UROC1: variants seen among roughly 807,000 people sequenced by gnomAD.
UROC1 encodes urocanate hydratase.
In UROC1, 79 loss-of-function variants were observed where a neutral mutation model predicts 89.5. The observed-to-expected ratio is 0.88, with a 90% CI of 0.74 to 1.06. The LOEUF is 1.06. UROC1 is among the 50% of genes least tolerant of loss of function. The pLI, the probability that UROC1 is intolerant of heterozygous loss-of-function variation, is 0.00. For missense variants in UROC1, 885 were observed against 907.8 expected (o/e 0.97, Z 0.32); for synonymous variants, 361 against 354.8 (o/e 1.02, Z -0.20).
chr3:126,514,273 A>C (rs763193294), intron 1 of UROC1, among the ~76,000 whole-genome samples: 9 of 152,208 alleles, frequency 5.9e-5, no homozygotes, highest in Non-Finnish European at 1.0e-4. Context: ...GGGGACACAG[A>C]CGCTGGCCAT....
intron 15 of UROC1, 23 bp downstream of exon 15, chr3:126,496,015 C>G: frequency 4.3e-6 from 7 of 1,610,996 alleles, no homozygotes; most frequent in Non-Finnish European, 8.5e-7. Flanking sequence ...CCACCCCAGC[C>G]TCCCCCAGGC....
intron 13 of UROC1, 29 bp downstream of exon 13, chr3:126,499,308 A>G: frequency 6.2e-7 from 1 of 1,608,212 alleles, no homozygotes; most frequent in Non-Finnish European, 8.5e-7. Flanking sequence ...CACTGGGCAC[A>G]CTAGATGTGG....
In UROC1 at chr3:126,481,167, G is replaced by C. The variant is rs1935372330; in HGVS notation, c.*1178C>G. On this transcript the variant is annotated 3_prime_UTR_variant, in exon 20 of 20. Coordinates refer to ENST00000290868, the MANE Select transcript of UROC1 (RefSeq NM_144639.3). Reference sequence around the variant, plus strand: ...GGCGAAGGCAAAAAGCAACCCCGCTGGATCTGTCCATTTTATTAGAAAAAC... The same window carrying C: ...GGCGAAGGCAAAAAGCAACCCCGCTCGATCTGTCCATTTTATTAGAAAAAC... 6.6e-6 allele frequency: 1 copy of C among 152,104 alleles called. No homozygotes were observed. The highest frequency in any genetic ancestry group is 1.5e-5 in the Non-Finnish European group (1 of 68,038). 9.4% of individuals were successfully genotyped at this position (152,104 alleles called of 1,614,324 possible).
In UROC1 at chr3:126,481,534, G is replaced by A. The variant is rs1228813169; in HGVS notation, c.*811C>T. Reference sequence around the variant, plus strand: ...AGACTCTTTCTCATTTCTCTGTTTAGGATGAGTTATCTGTTGGTCTGTTGC... The same window carrying A: ...AGACTCTTTCTCATTTCTCTGTTTAAGATGAGTTATCTGTTGGTCTGTTGC... On this transcript the variant is annotated 3_prime_UTR_variant, in exon 20 of 20. Transcript: ENST00000290868. The A allele has an allele frequency of 1.3e-5, 2 of 152,174 alleles. No homozygotes were observed. The highest frequency in any genetic ancestry group is 2.9e-5 in the Non-Finnish European group (2 of 68,026). 9.4% of individuals were successfully genotyped at this position (152,174 alleles called of 1,614,324 possible). A position where few individuals can be genotyped will look rare whatever the true frequency, so the allele number is the denominator to read the frequency against.
chr3:126,513,516 C>A (rs1166835709), intron 1 of UROC1, among the ~76,000 whole-genome samples: 3 of 152,296 alleles, frequency 2.0e-5, no homozygotes, highest in Non-Finnish European at 4.4e-5. Context: ...CACAGGCCTG[C>A]CACATGGCAC....
chr3:126,510,429 C>T (rs941752191), intron 2 of UROC1, among the ~76,000 whole-genome samples: 1 of 152,234 alleles, frequency 6.6e-6, no homozygotes, highest in African/African-American at 2.4e-5. Flanking sequence ...ATGGGCCGGG[C>T]CTGAGAGACC....
intron 18 of UROC1, 94 bp downstream of exon 18, chr3:126,488,103 GC>G: frequency 7.4e-7 from 1 of 1,344,330 alleles, no homozygotes; most frequent in South Asian, 1.2e-5. Flanking sequence ...GGGAGGTAGG[GC>G]CCAGGACTTC....
At chr3:126,497,800 C>A (rs796568305) in intron 14 of UROC1, among the ~76,000 whole-genome samples, 1 of 85,158 alleles carries the variant, frequency 1.2e-5, no homozygotes, top group South Asian at 3.9e-4. Flanking sequence ...AGGGCAGAGG[C>A]TTGGTGTGGG....
At chr3:126,499,013 C>A (rs1328080174) in intron 13 of UROC1, among the ~76,000 whole-genome samples, 1 of 152,042 alleles carries the variant, frequency 6.6e-6, no homozygotes, top group African/African-American at 2.4e-5. Context: ...CATCAGCCAC[C>A]CACGAGGGCC....
intron 18 of UROC1, among the ~76,000 whole-genome samples, chr3:126,485,591 A>C (rs1429750076): frequency 7.4e-6 from 1 of 134,470 alleles, no homozygotes. Flanking sequence ...TTCCCCATTT[A>C]TTTATTTATT....
chr3:126,506,074 C>T, intron 6 of UROC1, 63 bp from the exon 7 acceptor site: 1 of 1,595,630 alleles, frequency 6.3e-7, no homozygotes, highest in Non-Finnish European at 8.6e-7. Flanking sequence ...GTCCTCCCAG[C>T]CACTCCTTTT....
Position 126,517,759 on chromosome 3 carries a change from G to A in UROC1, c.-40C>T. The A allele has an allele frequency of 1.3e-6, 2 of 1,552,120 alleles. No individual in the cohort carries two copies. The highest frequency in any genetic ancestry group is 1.7e-6 in the Non-Finnish European group (2 of 1,148,478). ...GAGGCAGAGGCCAGCACTGTGGGGAGGCCAGGAAGAGACTGGGCAGATAGG... is the reference window on the plus strand; with the variant it reads ...GAGGCAGAGGCCAGCACTGTGGGGAAGCCAGGAAGAGACTGGGCAGATAGG... On this transcript the variant is annotated 5_prime_UTR_variant, in exon 1 of 20. Transcript: ENST00000290868.
intron 2 of UROC1, 22 bp from the exon 3 acceptor site, chr3:126,509,700 C>A: frequency 6.5e-7 from 1 of 1,548,614 alleles, no homozygotes; most frequent in Non-Finnish European, 8.7e-7. Flanking sequence ...AGCCCAACCA[C>A]CAGGCTGCCC....
rs762927115 is a variant in UROC1, at chr3:126,496,069, C to A, written c.1478G>T (p.Arg493Leu). 1 of 1,613,306 alleles carries A rather than the reference C, an allele frequency of 6.2e-7. No homozygotes were observed. Among genetic ancestry groups the A allele is most frequent in the Non-Finnish European group, 8.5e-7 (1 of 1,180,002 alleles). The change falls in exon 15 of 20, where the codon CGC becomes CTC. Residue 493 changes from arginine to leucine, a missense_variant. Physicochemically the swap from Arg to Leu is moderately radical, Grantham distance 102 (BLOSUM62 -2). Coordinates refer to ENST00000290868, the MANE Select transcript of UROC1 (RefSeq NM_144639.3). ...GTGCCTGGCGGCCTCCCGGATCCAG[C>A]GGATGTTGTCCATGTACTGCAGCTT... ...SVKLQYMDNI[R>L]WIREAARHRL... is the part of the protein sequence containing the mutation.
chr3:126,485,440 G>C (rs191003159), intron 18 of UROC1, among the ~76,000 whole-genome samples: 6 of 152,076 alleles, frequency 3.9e-5, no homozygotes, highest in African/African-American at 1.2e-4. Flanking sequence ...GTGGGTGGGT[G>C]GGGGAGGGCT....
Position 126,508,001 on chromosome 3 carries a change from C to A in UROC1, c.506G>T (p.Arg169Leu). 1 of 1,614,022 alleles carries A rather than the reference C, an allele frequency of 6.2e-7. No individual in the cohort carries two copies. Among genetic ancestry groups the A allele is most frequent in the Non-Finnish European group, 8.5e-7 (1 of 1,180,032 alleles). ...GHPLGLFPSS[R>L]SAPRLVITNG... ...GGTGATGACGAGCCGTGGGGCACTG[C>A]GGCTGCTGGGAAAGAGGCCAAGTGG... Residue 169 changes from arginine to leucine, a missense_variant, in exon 5 of 20, where the codon CGC (arginine) becomes CTC (leucine). Coordinates refer to ENST00000290868, the MANE Select transcript of UROC1 (RefSeq NM_144639.3).
chr3:126,507,890 A>G, intron 5 of UROC1, 77 bp downstream of exon 5: 2 of 1,612,610 alleles, frequency 1.2e-6, no homozygotes, highest in Non-Finnish European at 1.7e-6. Flanking sequence ...GCGTTGGGGC[A>G]CTGGGCTTTC....
At chr3:126,494,172 T>A (rs544077448) in intron 15 of UROC1, among the ~76,000 whole-genome samples, 4 of 152,240 alleles carry the variant, frequency 2.6e-5, no homozygotes, top group East Asian at 1.9e-4. Flanking sequence ...AATCAAAAAA[T>A]TTTAAAAGGC....
intron 16 of UROC1, among the ~76,000 whole-genome samples, chr3:126,489,756 G>A (rs1006676746): frequency 2.6e-5 from 4 of 152,162 alleles, no homozygotes; most frequent in Non-Finnish European, 4.4e-5. Context: ...GGCGCTCCTC[G>A]TCTTACGATG....
Sources: gnomAD v4.1 joint callset for allele counts (sites outside exome capture counted in the v4.1 genomes callset) on GRCh38, gnomAD v4.1.1 for gene constraint, MANE v1.5 for transcripts, NCBI Gene and HGNC (gene_info 2026-07-23, HGNC 2026-07-21) for gene names.